The following TRAPPC8 variants were observed in gnomAD, a reference collection of about 807,000 sequenced individuals.
TRAPPC8 encodes general sporulation gene 1 homolog.
In TRAPPC8, 54 loss-of-function variants were observed where a neutral mutation model predicts 174.3. The observed-to-expected ratio is 0.31, with a 90% CI of 0.25 to 0.39. The LOEUF (loss-of-function observed/expected upper bound fraction) is 0.39. Ranked by LOEUF, TRAPPC8 falls within the 10% of genes least tolerant of loss-of-function variation. TRAPPC8 has a pLI of 1.00. For missense variants in TRAPPC8, 1,531 were observed against 1,699.1 expected (o/e 0.90, Z 1.74); for synonymous variants, 630 against 579.9 (o/e 1.09, Z -1.24).
intron 2 of TRAPPC8, among the ~76,000 whole-genome samples, chr18:31,923,277 G>T (rs2037466528): frequency 6.6e-6 from 1 of 152,070 alleles, no homozygotes. Context: ...ATACAAAACA[G>T]TACCTAAGTG....
At chr18:31,863,188 T>A (rs1474944517) in intron 19 of TRAPPC8, among the ~76,000 whole-genome samples, 1 of 152,170 alleles carries the variant, frequency 6.6e-6, no homozygotes, top group Non-Finnish European at 1.5e-5. Flanking sequence ...TTTTTCAATC[T>A]GATTTGCAAA....
intron 12 of TRAPPC8, among the ~76,000 whole-genome samples, chr18:31,890,328 A>G (rs1417308860): frequency 1.3e-5 from 2 of 152,224 alleles, no homozygotes; most frequent in Non-Finnish European, 2.9e-5. Flanking sequence ...CAATAGCATT[A>G]TAAAGCACTC....
chr18:31,837,694 T>A (rs1214139662), intron 27 of TRAPPC8, among the ~76,000 whole-genome samples: 1 of 151,356 alleles, frequency 6.6e-6, no homozygotes, highest in Non-Finnish European at 1.5e-5. Context: ...TGTGACTCTG[T>A]CTCAGAAAAA....
At chr18:31,859,984 C>G in intron 19 of TRAPPC8, among the ~76,000 whole-genome samples, 1 of 151,576 alleles carries the variant, frequency 6.6e-6, no homozygotes, top group Non-Finnish European at 1.5e-5. Flanking sequence ...CCACTGCACT[C>G]CAGCCTGGGT....
chr18:31,880,121 AT>A (rs56728828), intron 12 of TRAPPC8, among the ~76,000 whole-genome samples: 3,691 of 68,648 alleles, frequency 0.054, 57 homozygotes, highest in Middle Eastern at 0.11. Flanking sequence ...ATATATATAT[AT>A]TTTTTTTTTT....
rs1297526372 is a variant in TRAPPC8, at chr18:31,855,793, C to G, written c.3203G>C (p.Arg1068Thr). Residue 1068 changes from arginine to threonine, a missense_variant, in exon 21 of 29, where the codon AGA becomes ACA. Coordinates refer to ENST00000283351, the MANE Select transcript of TRAPPC8 (RefSeq NM_014939.5). ...ACTGGTACAAATAATTGCAGTGTGT[C>G]TTAATATTCTGTGCCTGAAGTTAAA... ...KQPKIRHRIL[R>T]HTAIICTSRS... is the part of the protein sequence containing the mutation. 1 of 1,573,364 alleles carries G rather than the reference C, an allele frequency of 6.4e-7. No homozygotes were observed.
chr18:31,857,433 G>C (rs1373913833), intron 20 of TRAPPC8, 107 bp downstream of exon 20: 3 of 966,642 alleles, frequency 3.1e-6, no homozygotes, highest in East Asian at 2.7e-5. Flanking sequence ...GCATAATCTG[G>C]AACAGAGTAA....
intron 1 of TRAPPC8, among the ~76,000 whole-genome samples, chr18:31,936,700 G>T (rs933908232): frequency 1.1e-4 from 17 of 151,454 alleles, no homozygotes; most frequent in African/African-American, 4.1e-4. Context: ...TCGGGAGTTC[G>T]AGACTAGCCT....
intron 27 of TRAPPC8, among the ~76,000 whole-genome samples, chr18:31,838,313 C>T (rs186457405): frequency 1.8e-3 from 274 of 152,304 alleles, no homozygotes; most frequent in African/African-American, 6.3e-3. Flanking sequence ...TAACCTTGCT[C>T]TTATAACTAC....
chr18:31,865,040 C>T (rs2034521562), intron 18 of TRAPPC8, among the ~76,000 whole-genome samples: 1 of 152,070 alleles, frequency 6.6e-6, no homozygotes, highest in Admixed American at 6.5e-5. Flanking sequence ...AGGAAGCCCT[C>T]TGAAATCTGT....
In TRAPPC8 at chr18:31,871,018, T is replaced by C. The variant is rs774644669; in HGVS notation, c.2165A>G (p.Asn722Ser). 8.7e-6 allele frequency: 14 copies of C among 1,611,658 alleles called. No individual in the cohort carries two copies. Among genetic ancestry groups the C allele is most frequent in the Non-Finnish European group, 1.1e-5 (13 of 1,178,588 alleles). Residue 722 changes from asparagine to serine, a missense_variant, in exon 15 of 29, where the codon AAC (asparagine) becomes AGC (serine). Transcript: ENST00000283351. ...AAAATTGGATGGAATTACTCCTTTG[T>C]TAACCACAGAAACAACTTGTTCCTC... ...ELEEQVVSVV[N>S]KGVIPSNFHP... is the part of the protein sequence containing the mutation.
intron 2 of TRAPPC8, among the ~76,000 whole-genome samples, chr18:31,928,749 A>G (rs2037731185): frequency 6.6e-6 from 1 of 152,206 alleles, no homozygotes; most frequent in Non-Finnish European, 1.5e-5. Context: ...ATAAACTTTA[A>G]AGCATGTGTT....
At chr18:31,834,702 TTAATA>T (rs1231015505) in intron 27 of TRAPPC8, among the ~76,000 whole-genome samples, 5 of 152,206 alleles carry the variant, frequency 3.3e-5, no homozygotes, top group South Asian at 2.1e-4. Context: ...TAAACATTAT[TTAATA>T]TAACAATTTA....
At chr18:31,933,319 A>G (rs1300186907) in intron 1 of TRAPPC8, among the ~76,000 whole-genome samples, 1 of 148,140 alleles carries the variant, frequency 6.8e-6, no homozygotes, top group Admixed American at 6.7e-5. Context: ...AAAAAAAAAA[A>G]AGGAGTCCAT....
chr18:31,912,853 C>T lies in TRAPPC8; in HGVS notation c.771+516G>A, dbSNP rs189664610. Reference sequence around the variant, plus strand: ...CTTTTAAGAAAGAGATCAGTCCAGGCGCGGTGGCTCACACCTGTAACCCTA... The same window carrying T: ...CTTTTAAGAAAGAGATCAGTCCAGGTGCGGTGGCTCACACCTGTAACCCTA... On this transcript the variant is annotated intron_variant, in intron 5 of 28. Transcript: ENST00000283351. 2.2e-4 allele frequency among the ~76,000 whole-genome samples: 34 copies of T among 152,208 alleles called. 1 individual carries two copies. The highest frequency in any genetic ancestry group is 2.2e-3 in the Admixed American group (34 of 15,290).
At chr18:31,902,360 C>A (rs1481868944) in intron 9 of TRAPPC8, among the ~76,000 whole-genome samples, 8 of 151,984 alleles carry the variant, frequency 5.3e-5, no homozygotes, top group Admixed American at 1.3e-4. Context: ...ACAACAACAA[C>A]AAAGTATGCT....
rs1433861946 is a variant in TRAPPC8 at position 31,839,398 on chromosome 18, TGAG to T, written c.3894_3896del (p.Ser1299del). 1 of 1,612,276 alleles carries T rather than the reference TGAG, an allele frequency of 6.2e-7. No homozygotes were observed. The highest frequency in any genetic ancestry group is 8.5e-7 in the Non-Finnish European group (1 of 1,179,226). On this transcript the variant is annotated inframe_deletion, in exon 27 of 29. Coordinates refer to ENST00000283351, the MANE Select transcript of TRAPPC8 (RefSeq NM_014939.5). Reference sequence around the variant, plus strand: ...TAGAAAGCTGCTCTACTGATGGCCTTGAGGAAACTGTAATGTTTTCTGGCCTGA... The same window carrying T: ...TAGAAAGCTGCTCTACTGATGGCCTTGAAACTGTAATGTTTTCTGGCCTGA...
In TRAPPC8 at chr18:31,839,306, T is replaced by G. The variant is rs2032952183; in HGVS notation, c.3983+6A>C. Reference sequence around the variant, plus strand: ...AAAATTTTGGTAACAAAAATAAAGCTCAAACCTTTTTTGATGAAATGGATG... The same window carrying G: ...AAAATTTTGGTAACAAAAATAAAGCGCAAACCTTTTTTGATGAAATGGATG... On this transcript the variant is annotated splice_donor_region_variant and intron_variant, in intron 27 of 28. Coordinates refer to ENST00000283351, the MANE Select transcript of TRAPPC8 (RefSeq NM_014939.5). 6.3e-7 allele frequency: 1 copy of G among 1,593,106 alleles called. No individual in the cohort carries two copies. The highest frequency in any genetic ancestry group is 8.5e-7 in the Non-Finnish European group (1 of 1,173,298).
chr18:31,834,629 T>C (rs773305806), intron 27 of TRAPPC8, among the ~76,000 whole-genome samples: 4 of 152,198 alleles, frequency 2.6e-5, no homozygotes, highest in East Asian at 1.9e-4. Flanking sequence ...CTTGGGTTTG[T>C]TGTGATTAGG....
Sources: allele counts gnomAD v4.1 joint callset (sites outside exome capture counted in the v4.1 genomes callset), GRCh38; gene constraint gnomAD v4.1.1; transcripts MANE v1.5; gene names NCBI Gene and HGNC (gene_info 2026-07-23, HGNC 2026-07-21).